Variants in MGAT4C observed in about 807,000 individuals in gnomAD.
MGAT4C encodes the protein MGAT4 family member C.
A neutral mutation model predicts 40.1 loss-of-function variants in MGAT4C; 19 were observed. The observed-to-expected ratio is 0.47, with a 90% confidence interval of 0.33 to 0.70. MGAT4C has a LOEUF of 0.70. Ranked by LOEUF, MGAT4C falls within the 30% of genes least tolerant of loss-of-function variation. The pLI is 0.02. For missense variants in MGAT4C, 491 were observed against 563.2 expected (o/e 0.87, Z 1.30); for synonymous variants, 181 against 187.1 (o/e 0.97, Z 0.27).
intron 2 of MGAT4C, among the ~76,000 whole-genome samples, chr12:86,505,614 C>T (rs1958458383): frequency 6.6e-6 from 1 of 152,150 alleles, no homozygotes; most frequent in Non-Finnish European, 1.5e-5. Context: ...AATGGTTAAG[C>T]ATACCTTGTA....
intron 2 of MGAT4C, among the ~76,000 whole-genome samples, chr12:85,991,134 G>A (rs1194979599): frequency 6.6e-6 from 1 of 152,124 alleles, no homozygotes; most frequent in Non-Finnish European, 1.5e-5. Context: ...CCTCTCTGTA[G>A]ACAGGTCAAC....
chr12:86,328,294 C>G (rs1479207108), intron 4 of MGAT4C, among the ~76,000 whole-genome samples: 1 of 151,904 alleles, frequency 6.6e-6, no homozygotes, highest in Non-Finnish European at 1.5e-5. Context: ...CAATTATTAC[C>G]ACTGTGATTC....
At chr12:86,346,574 C>T (rs1313594765) in intron 3 of MGAT4C, among the ~76,000 whole-genome samples, 1 of 152,130 alleles carries the variant, frequency 6.6e-6, no homozygotes, top group Non-Finnish European at 1.5e-5. Context: ...TAACTATTCA[C>T]CTGTTGAAAT....
At chr12:86,204,225 A>T (rs1950168794) in intron 1 of MGAT4C, among the ~76,000 whole-genome samples, 1 of 151,696 alleles carries the variant, frequency 6.6e-6, no homozygotes, top group Admixed American at 6.6e-5. Context: ...CACAAGAAAA[A>T]TTTTTCTTGA....
intron 4 of MGAT4C, among the ~76,000 whole-genome samples, chr12:86,300,283 C>A (rs904790281): frequency 1.3e-5 from 2 of 152,154 alleles, no homozygotes; most frequent in Non-Finnish European, 2.9e-5. Flanking sequence ...TACATACATA[C>A]TTTCTTTGAT....
At chr12:86,750,871 G>A (rs1488885423) in intron 1 of MGAT4C, among the ~76,000 whole-genome samples, 2 of 151,922 alleles carry the variant, frequency 1.3e-5, no homozygotes, top group Admixed American at 6.6e-5. Flanking sequence ...GGCCAGACAT[G>A]TAGGCTAGAC....
At chr12:86,513,088 T>G (rs1958621397) in intron 2 of MGAT4C, among the ~76,000 whole-genome samples, 2 of 152,136 alleles carry the variant, frequency 1.3e-5, no homozygotes. Context: ...CCAATTAAAG[T>G]TGCAATGTGT....
chr12:86,601,495 C>A (rs1040026003), intron 2 of MGAT4C, among the ~76,000 whole-genome samples: 2 of 152,034 alleles, frequency 1.3e-5, no homozygotes, highest in Admixed American at 1.3e-4. Flanking sequence ...TACCTGTGTC[C>A]GGTCTCATCT....
At chr12:86,246,618 T>C (rs953454121) in intron 1 of MGAT4C, among the ~76,000 whole-genome samples, 11 of 152,218 alleles carry the variant, frequency 7.2e-5, no homozygotes, top group Admixed American at 2.0e-4. Context: ...TTATTTATTA[T>C]AAATACGTTT....
At chr12:86,203,733 G>A (rs1285815565) in intron 1 of MGAT4C, among the ~76,000 whole-genome samples, 1 of 151,734 alleles carries the variant, frequency 6.6e-6, no homozygotes, top group Admixed American at 6.6e-5. Context: ...TGAGGCGGGC[G>A]GATCACCTGA....
intron 1 of MGAT4C, among the ~76,000 whole-genome samples, chr12:86,766,088 T>A (rs1413886846): frequency 2.0e-5 from 3 of 151,572 alleles, no homozygotes; most frequent in African/African-American, 7.3e-5. Context: ...GGATAAAGAG[T>A]CAAAACCCAT....
intron 2 of MGAT4C, among the ~76,000 whole-genome samples, chr12:86,583,647 T>C (rs1041089419): frequency 6.6e-6 from 1 of 151,236 alleles, no homozygotes; most frequent in South Asian, 2.1e-4. Flanking sequence ...ATAAACTATA[T>C]GTATCACTGC....
At chr12:86,419,869 A>G (rs1039306884) in intron 3 of MGAT4C, among the ~76,000 whole-genome samples, 11 of 152,182 alleles carry the variant, frequency 7.2e-5, no homozygotes, top group African/African-American at 2.7e-4. Context: ...AGAAAAAAGC[A>G]TGGGTAGAAA....
chr12:86,084,463 C>T lies in MGAT4C; in HGVS notation c.-56-34740G>A, dbSNP rs117675801. Among the ~76,000 whole-genome samples the T allele has an allele frequency of 7.7e-3, 1,171 of 151,980 alleles. 18 individuals carry two copies. The highest frequency in any genetic ancestry group is 0.053 in the East Asian group (275 of 5,170). ...AATGTTGATAATATTCTGTGTATTA[C>T]ACATTTAGTGTTTCAAGAGATTCAC... On this transcript the variant is annotated intron_variant, in intron 1 of 4. Coordinates refer to ENST00000611864, the MANE Select transcript of MGAT4C (RefSeq NM_001351288.2).
chr12:86,494,657 A>G (rs1565802385), intron 2 of MGAT4C, among the ~76,000 whole-genome samples: 1 of 151,946 alleles, frequency 6.6e-6, no homozygotes, highest in African/African-American at 2.4e-5. Flanking sequence ...TTCTACAGGA[A>G]GAAATTAAAA....
rs114490992 is a variant in MGAT4C at position 86,421,817 on chromosome 12, A to T, written c.-120+13340T>A. Among the ~76,000 whole-genome samples, 655 of 152,306 alleles carry T rather than the reference A, an allele frequency of 4.3e-3. 4 individuals are homozygous for T. The highest frequency in any genetic ancestry group is 0.015 in the African/African-American group (626 of 41,558). ...TTGGATTAAAAACCAAATGTAAAAT[A>T]TAAAGAGAAAAATATAAGTCCCACA... On this transcript the variant is annotated intron_variant, in intron 3 of 7. Coordinates refer to the MGAT4C transcript ENST00000548651.
intron 1 of MGAT4C, among the ~76,000 whole-genome samples, chr12:86,828,458 C>A (rs1346077239): frequency 6.6e-6 from 1 of 151,246 alleles, no homozygotes; most frequent in Non-Finnish European, 1.5e-5. Flanking sequence ...GTGCTGTATT[C>A]TTAGCTTTTA....
At chr12:85,980,830 T>C (rs1884505663) in intron 4 of MGAT4C, among the ~76,000 whole-genome samples, 1 of 152,128 alleles carries the variant, frequency 6.6e-6, no homozygotes, top group Non-Finnish European at 1.5e-5. Flanking sequence ...AAAAATGCTT[T>C]TTCTCTTTTG....
At chr12:86,297,666 T>C (rs1018953116) in intron 4 of MGAT4C, among the ~76,000 whole-genome samples, 7 of 152,072 alleles carry the variant, frequency 4.6e-5, no homozygotes, top group African/African-American at 1.7e-4. Context: ...AAAGACAGAG[T>C]TGGTGCTGAT....
Sources: allele counts gnomAD v4.1 joint callset (sites outside exome capture counted in the v4.1 genomes callset), GRCh38; gene constraint gnomAD v4.1.1; transcripts MANE v1.5; gene names NCBI Gene and HGNC (gene_info 2026-07-23, HGNC 2026-07-21).